The following FBN3 variants were observed in gnomAD, a reference collection of about 807,000 sequenced individuals.
The protein encoded by FBN3 is fibrillin-3.
Under a neutral mutation model 330.1 loss-of-function variants are expected in FBN3, and 234 were observed. The observed-to-expected ratio is 0.71, with a 90% CI of 0.64 to 0.79. The LOEUF (loss-of-function observed/expected upper bound fraction) is 0.79, where lower values mean the gene tolerates loss of function less well. Ranked by LOEUF, FBN3 falls within the 30% of genes least tolerant of loss-of-function variation. FBN3 has a pLI of 0.00. For synonymous variants in FBN3, 1,458 were observed against 1,517.3 expected, an observed-to-expected ratio of 0.96 and a Z score of 0.91; for missense variants, 3,606 against 3,886.9, an observed-to-expected ratio of 0.93 and a Z score of 1.92.
chr19:8,073,952 A>T (rs2081581901), intron 61 of FBN3, among the ~76,000 whole-genome samples: 1 of 152,170 alleles, frequency 6.6e-6, no homozygotes, highest in Admixed American at 6.5e-5. Context: ...ACAAGAGTGA[A>T]CTACCATGGC....
intron 57 of FBN3, 86 bp from the exon 58 acceptor site, chr19:8,081,566 C>T (rs1337638078): frequency 7.9e-6 from 11 of 1,385,254 alleles, no homozygotes; most frequent in South Asian, 1.5e-5. Flanking sequence ...CACCAGACCC[C>T]GACCATCTGA....
chr19:8,072,720 GCACACA>G (rs61403969), intron 62 of FBN3, among the ~76,000 whole-genome samples: 3 of 149,476 alleles, frequency 2.0e-5, no homozygotes, highest in Non-Finnish European at 3.0e-5. Context: ...ATGCGCGCGT[GCACACA>G]CACACACACA....
At chr19:8,142,179 C>G (rs1478175306) in intron 6 of FBN3, 42 bp from the exon 7 acceptor site, 5 of 1,528,966 alleles carry the variant, frequency 3.3e-6, no homozygotes, top group Non-Finnish European at 4.4e-6. Context: ...GAGGGCTGCC[C>G]CTGTCTGGAG....
chr19:8,089,231 AAATGAGTGAGTG>A (rs1314001683), intron 51 of FBN3, among the ~76,000 whole-genome samples: 2 of 151,992 alleles, frequency 1.3e-5, no homozygotes, highest in African/African-American at 2.4e-5. Context: ...ATAAGGGAGT[AAATGAGTGAGTG>A]AATGAGTGAA....
chr19:8,131,525 C>T lies in FBN3; in HGVS notation c.1990+29G>A, dbSNP rs760573142. The stretch of plus-strand genomic sequence containing the variant: ...GATGGAGGCATTCAGACCAAGGAGG[C>T]GATGGGGACCGGGCAGCCGGATGCT... On this transcript the variant is annotated intron_variant, in intron 15 of 63. Coordinates refer to ENST00000600128, the MANE Select transcript of FBN3 (RefSeq NM_032447.5). This position sits in a 1 kb window ranked among gnomAD's most constrained non-coding sequence, Gnocchi z 4.5. The T allele has an allele frequency of 9.5e-6, 15 of 1,578,710 alleles. No homozygotes were observed. The Middle Eastern group carries it at 5.1e-4, about 53-fold the overall frequency.
Position 8,096,495 on chromosome 19 carries a change from A to G in FBN3, c.5488T>C (p.Cys1830Arg). ...DCMDTEGSYM[C>R]LCHRGFQASA... ...GCCTGGAATCCACGGTGACACAGACACATGTAGCTGCCTTCTGTGTCCATG... is the reference window on the plus strand; with the variant it reads ...GCCTGGAATCCACGGTGACACAGACGCATGTAGCTGCCTTCTGTGTCCATG... Residue 1830 changes from cysteine to arginine, a missense_variant, in exon 44 of 64, where the codon TGT (cysteine) becomes CGT (arginine). Physicochemically the swap from Cys to Arg is radical, Grantham distance 180. Coordinates refer to ENST00000600128, the MANE Select transcript of FBN3 (RefSeq NM_032447.5). This position sits in a 1 kb window ranked among gnomAD's most constrained non-coding sequence, Gnocchi z 4.6. The G allele has an allele frequency of 1.2e-6, 2 of 1,614,058 alleles. No homozygotes were observed. The highest frequency in any genetic ancestry group is 1.7e-6 in the Non-Finnish European group (2 of 1,179,988).
chr19:8,144,022 T>C (rs7252378), intron 6 of FBN3, among the ~76,000 whole-genome samples: 46,704 of 151,340 alleles, frequency 0.31, 7,879 homozygotes, highest in South Asian at 0.48. Context: ...GCTACCCAGG[T>C]TGATCTCAAA....
chr19:8,097,199 T>C, intron 42 of FBN3, 90 bp downstream of exon 42: 1 of 1,518,046 alleles, frequency 6.6e-7, no homozygotes, highest in Admixed American at 1.9e-5. Context: ...AAATGGAGGC[T>C]TACAGAGTTT....
intron 40 of FBN3, 131 bp from the exon 41 acceptor site, chr19:8,101,103 C>T: frequency 1.7e-6 from 1 of 593,932 alleles, no homozygotes; most frequent in Non-Finnish European, 3.0e-6. Flanking sequence ...TTGCTCTCCC[C>T]ACCCTTTCCC....
intron 25 of FBN3, among the ~76,000 whole-genome samples, chr19:8,120,009 C>G (rs1012514772): frequency 1.3e-5 from 2 of 150,226 alleles, no homozygotes; most frequent in African/African-American, 4.9e-5. Flanking sequence ...TGTGTAGAGA[C>G]GGGGCCTCTC....
intron 63 of FBN3, among the ~76,000 whole-genome samples, chr19:8,067,044 G>A (rs903432834): frequency 6.6e-6 from 1 of 151,936 alleles, no homozygotes; most frequent in African/African-American, 2.4e-5. Context: ...GGGCACAGGG[G>A]CTCATGCCTA....
rs186292568 is a variant in FBN3 at position 8,113,920 on chromosome 19, G to A, written c.3838+1595C>T. On this transcript the variant is annotated intron_variant, in intron 30 of 63. Coordinates refer to ENST00000600128, the MANE Select transcript of FBN3 (RefSeq NM_032447.5). ...TGGGAAGATCACCTGAGCCTGGAGA[G>A]GTGGAGGCTGCAGTGAGCTATGATT... is the stretch of plus-strand genomic sequence containing the variant. Among the ~76,000 whole-genome samples, 98 of 151,796 alleles carry A rather than the reference G, an allele frequency of 6.5e-4. 2 individuals are homozygous for A. Among genetic ancestry groups the A allele is most frequent in the African/African-American group, 2.2e-3 (92 of 41,388 alleles).
At position 8,088,143 on chromosome 19, in the gene FBN3, T is replaced by C; in HGVS notation, c.6413A>G (p.Gln2138Arg). Residue 2138 changes from glutamine (Q) to arginine (R), a missense_variant, in exon 52 of 64, where the codon CAA becomes CGA. Transcript: ENST00000600128. ...DECSVGHPCG[Q>R]GTCTNVIGGF... Reference sequence around the variant, plus strand: ...TCCGATGACATTGGTGCATGTCCCTTGCCCACAGGGGTGGCCGACAGAGCA... The same window carrying C: ...TCCGATGACATTGGTGCATGTCCCTCGCCCACAGGGGTGGCCGACAGAGCA... The C allele has an allele frequency of 6.2e-7, 1 of 1,612,370 alleles. No homozygotes were observed. Among genetic ancestry groups the C allele is most frequent in the Non-Finnish European group, 8.5e-7 (1 of 1,178,942 alleles).
At position 8,123,824 on chromosome 19, in the gene FBN3, G is replaced by A. The variant is rs776718524; in HGVS notation, c.2916C>T (p.Phe972=). ...GGCCAGACAGGAAGTCCCGGCTGGCGAAGCCCAGCCCCCGCGGGCACAGGC... is the reference window on the plus strand; with the variant it reads ...GGCCAGACAGGAAGTCCCGGCTGGCAAAGCCCAGCCCCCGCGGGCACAGGC... ...FASLCPRGLG[F]ASRDFLSGRP... The change falls in exon 23 of 64, where the codon TTC becomes TTT. Residue 972 remains phenylalanine (F), a synonymous_variant. Coordinates refer to ENST00000600128, the MANE Select transcript of FBN3 (RefSeq NM_032447.5). 35 of 1,612,894 alleles carry A rather than the reference G, an allele frequency of 2.2e-5. 1 individual carries two copies. Among genetic ancestry groups the A allele is most frequent in the African/African-American group, 6.7e-5 (5 of 74,890 alleles).
In FBN3 at chr19:8,081,340, G is replaced by T. The variant is rs1218868991; in HGVS notation, c.7336+18C>A. On this transcript the variant is annotated intron_variant, in intron 58 of 63. Transcript: ENST00000600128. The stretch of plus-strand genomic sequence containing the variant: ...TGCATGCAGTGGTGGGAGTGGGGGA[G>T]AGTTGAAAGGACATCACCTTTGCAG... The T allele has an allele frequency of 6.3e-7, 1 of 1,584,656 alleles. No homozygotes were observed. The highest frequency in any genetic ancestry group is 1.2e-5 in the South Asian group (1 of 84,830).
At chr19:8,142,189 G>T in intron 6 of FBN3, 52 bp from the exon 7 acceptor site, 1 of 1,441,108 alleles carries the variant, frequency 6.9e-7, no homozygotes, top group South Asian at 1.2e-5. Context: ...CCTGTCTGGA[G>T]ATCTCTGCGT....
At position 8,121,142 on chromosome 19, in the gene FBN3, C is replaced by T; in HGVS notation, c.3211+116G>A. On this transcript the variant is annotated intron_variant, in intron 25 of 63. Coordinates refer to ENST00000600128, the MANE Select transcript of FBN3 (RefSeq NM_032447.5). This position sits in a 1 kb window ranked among gnomAD's most constrained non-coding sequence, Gnocchi z 4.5. The stretch of plus-strand genomic sequence containing the variant: ...TACCTCAGCTAATTTACAGCTCCTC[C>T]CTCCTCCTGCCCCCTCCATCCACGT... 9.8e-7 allele frequency: 1 copy of T among 1,020,208 alleles called. No individual in the cohort carries two copies. 63.2% of individuals were successfully genotyped at this position (1,020,208 alleles called of 1,614,324 possible). A position where few individuals can be genotyped will look rare whatever the true frequency, so the allele number is the denominator to read the frequency against.
intron 38 of FBN3, 80 bp downstream of exon 38, chr19:8,106,028 C>T (rs2082429503): frequency 1.9e-6 from 3 of 1,566,038 alleles, no homozygotes; most frequent in Non-Finnish European, 8.7e-7. Flanking sequence ...CCCTCCTCTA[C>T]CCTTGTGAGG....
chr19:8,075,327 C>T lies in FBN3; in HGVS notation c.7538G>A (p.Cys2513Tyr). ...HNTPGSFRCE[C>Y]HQGFTLVSSG... Reference sequence around the variant, plus strand: ...GCTGACCAGGGTGAAGCCTTGGTGGCATTCACAGCGGAAGCTGCCCGGGGT... The same window carrying T: ...GCTGACCAGGGTGAAGCCTTGGTGGTATTCACAGCGGAAGCTGCCCGGGGT... Residue 2513 changes from cysteine to tyrosine, a missense_variant, in exon 60 of 64, where the codon TGC (cysteine) becomes TAC (tyrosine). Coordinates refer to ENST00000600128, the MANE Select transcript of FBN3 (RefSeq NM_032447.5). 6.2e-7 allele frequency: 1 copy of T among 1,614,228 alleles called. No individual in the cohort carries two copies. Among genetic ancestry groups the T allele is most frequent in the Non-Finnish European group, 8.5e-7 (1 of 1,180,034 alleles).
Sources: gnomAD v4.1 joint callset for allele counts (sites outside exome capture counted in the v4.1 genomes callset) on GRCh38, gnomAD v4.1.1 for gene constraint, Gnocchi (gnomAD v3.1) non-coding constraint, MANE v1.5 for transcripts, NCBI Gene and HGNC (gene_info 2026-07-23, HGNC 2026-07-21) for gene names.